The following NPRL3 variants were observed in gnomAD, a reference collection of about 807,000 sequenced individuals.
The protein encoded by NPRL3 is NPR3 like, GATOR1 complex subunit, also known as GATOR1 complex protein NPRL3.
Under a neutral mutation model 57.2 loss-of-function variants are expected in NPRL3, and 23 were observed. The observed-to-expected ratio is 0.40, with a 90% CI of 0.29 to 0.57. The LOEUF is 0.57. NPRL3 is among the 20% of genes least tolerant of loss of function. The pLI is 0.42. For missense variants in NPRL3, 691 were observed against 767.1 expected, an observed-to-expected ratio of 0.90 and a Z score of 1.17; for synonymous variants, 333 against 321.1, an observed-to-expected ratio of 1.04 and a Z score of -0.39.
chr16:98,574 T>A (rs1449763376), intron 8 of NPRL3, among the ~76,000 whole-genome samples: 1 of 152,208 alleles, frequency 6.6e-6, no homozygotes, highest in Non-Finnish European at 1.5e-5. Flanking sequence ...AGCTGGAGCC[T>A]CCTGGCCCTT....
intron 9 of NPRL3, among the ~76,000 whole-genome samples, chr16:94,343 GC>G (rs1898894400): frequency 6.6e-6 from 1 of 152,212 alleles, no homozygotes; most frequent in Non-Finnish European, 1.5e-5. Context: ...CTCTGCATCA[GC>G]CCAGGACACC....
intron 6 of NPRL3, among the ~76,000 whole-genome samples, chr16:112,164 A>G (rs961305064): frequency 2.0e-5 from 3 of 152,228 alleles, no homozygotes. Context: ...CAACAGGACC[A>G]GGGCTAGGCA....
chr16:107,419 C>CG (rs1289827093), intron 7 of NPRL3, among the ~76,000 whole-genome samples: 1 of 151,876 alleles, frequency 6.6e-6, no homozygotes, highest in Non-Finnish European at 1.5e-5. Context: ...CCGAGCCGGG[C>CG]GGATCTACAA....
intron 12 of NPRL3, chr16:89,476 C>G: frequency 2.0e-6 from 1 of 496,332 alleles, no homozygotes; most frequent in Non-Finnish European, 3.5e-6. Flanking sequence ...GGGCTGGGAG[C>G]TGCCCCTAAT....
intron 12 of NPRL3, 156 bp downstream of exon 12, chr16:89,557 G>A (rs999275364): frequency 1.9e-5 from 12 of 639,638 alleles, no homozygotes; most frequent in Non-Finnish European, 3.0e-5. Context: ...TAGGAGACAG[G>A]AGAGGTGTCT....
intron 1 of NPRL3, 112 bp from the exon 2 acceptor site, chr16:138,446 T>C (rs1166778710): frequency 2.4e-5 from 2 of 82,382 alleles, no homozygotes; most frequent in African/African-American, 6.8e-5. Flanking sequence ...AGGGCAGGGG[T>C]GGAGGCGGAG....
chr16:131,164 G>A (rs996128151), intron 2 of NPRL3, among the ~76,000 whole-genome samples: 27 of 152,244 alleles, frequency 1.8e-4, no homozygotes, highest in African/African-American at 6.5e-4. Context: ...GCGAAACCCC[G>A]TCTCTACTAA....
intron 2 of NPRL3, among the ~76,000 whole-genome samples, chr16:134,694 A>T (rs372375819): frequency 0.065 from 6,743 of 103,674 alleles, 270 homozygotes; most frequent in African/African-American, 0.12. Flanking sequence ...AATTATTATT[A>T]TTTTTTTTTT....
chr16:107,504 C>A (rs1211973392), intron 7 of NPRL3, among the ~76,000 whole-genome samples: 1 of 148,732 alleles, frequency 6.7e-6, no homozygotes, highest in African/African-American at 2.5e-5. Flanking sequence ...ATTAGCCAGG[C>A]ATGGTGATGT....
intron 3 of NPRL3, among the ~76,000 whole-genome samples, chr16:124,545 G>T (rs1900430946): frequency 6.6e-6 from 1 of 152,010 alleles, no homozygotes; most frequent in South Asian, 2.1e-4. Context: ...TGCATGACAA[G>T]AAATCGCCTA....
intron 7 of NPRL3, among the ~76,000 whole-genome samples, chr16:108,187 T>G (rs755452560): frequency 3.3e-5 from 5 of 151,964 alleles, no homozygotes; most frequent in Admixed American, 6.6e-5. Context: ...GACAAATCAC[T>G]CTCCCATGTT....
rs749698102 is a variant in NPRL3 at position 88,703 on chromosome 16, A to G, written c.1539T>C (p.Phe513=). Residue 513 remains phenylalanine (F), a synonymous_variant, in exon 13 of 14, where the codon TTT becomes TTC. Coordinates refer to ENST00000611875, the MANE Select transcript of NPRL3 (RefSeq NM_001077350.3). The part of the protein sequence containing the change: ...AAQNPEDLRM[F]ARLLHYFRGR... Reference sequence around the variant, plus strand: ...ACGGGTCAACCTACACCCACCTGGCAAACATGCGGAGGTCCTCAGGGTTCT... The same window carrying G: ...ACGGGTCAACCTACACCCACCTGGCGAACATGCGGAGGTCCTCAGGGTTCT... The G allele has an allele frequency of 3.7e-6, 6 of 1,607,722 alleles. No homozygotes were observed. The highest frequency in any genetic ancestry group is 4.3e-6 in the Non-Finnish European group (5 of 1,175,098).
chr16:138,397 C>T, intron 1 of NPRL3, 63 bp from the exon 2 acceptor site: 1 of 588,638 alleles, frequency 1.7e-6, no homozygotes, highest in Non-Finnish European at 2.7e-6. Flanking sequence ...ACGCAGGGGG[C>T]CTGAGGAGGG....
At chr16:134,294 T>C (rs1900949936) in intron 2 of NPRL3, among the ~76,000 whole-genome samples, 1 of 151,284 alleles carries the variant, frequency 6.6e-6, no homozygotes, top group South Asian at 2.1e-4. Context: ...ATAGGCAAAA[T>C]AAAAAAAATT....
chr16:95,348 TATAC>T lies in NPRL3; in HGVS notation c.925-2027_925-2024del, dbSNP rs60355805. On this transcript the variant is annotated intron_variant, in intron 9 of 13. Transcript: ENST00000611875. ...GTGTATATATATATATATATATATA[TATAC>T]ACACACACACACACACACACACACA... Among the ~76,000 whole-genome samples the T allele has an allele frequency of 8.6e-3, 387 of 45,006 alleles. 1 individual carries two copies. The highest frequency in any genetic ancestry group is 0.08 in the East Asian group (150 of 1,864). The allele number at this position is 45,006 out of a possible 152,430, so 29.5% of individuals were successfully genotyped here.
intron 11 of NPRL3, among the ~76,000 whole-genome samples, chr16:91,614 G>C (rs952791958): frequency 1.3e-5 from 2 of 152,314 alleles, no homozygotes; most frequent in East Asian, 3.9e-4. Context: ...GTACAACCTG[G>C]CTCAGCTCCC....
In NPRL3 at chr16:85,423, G is replaced by A; in HGVS notation, c.*1282C>T. On this transcript the variant is annotated 3_prime_UTR_variant, in exon 14 of 14. Transcript: ENST00000611875. ...CAGGGGACGGGGCTTGCGTCTTGCTGCGAGCACTGGAGCCCCTGGAAGGTC... is the reference window on the plus strand; with the variant it reads ...CAGGGGACGGGGCTTGCGTCTTGCTACGAGCACTGGAGCCCCTGGAAGGTC... The A allele has an allele frequency of 1.9e-6, 3 of 1,609,728 alleles. No homozygotes were observed. The highest frequency in any genetic ancestry group is 2.7e-5 in the African/African-American group (2 of 74,986).
At chr16:88,306 G>T (rs925130665) in intron 13 of NPRL3, among the ~76,000 whole-genome samples, 1 of 151,380 alleles carries the variant, frequency 6.6e-6, no homozygotes, top group African/African-American at 2.4e-5. Context: ...GCGTGAACCC[G>T]GGAAGCGGAG....
At chr16:103,656 G>A (rs115592089) in intron 7 of NPRL3, among the ~76,000 whole-genome samples, 3,852 of 152,220 alleles carry the variant, frequency 0.025, 162 homozygotes, top group African/African-American at 0.087. Flanking sequence ...TGCTCTGCAC[G>A]CTGGGGGCTT....
Sources: allele counts gnomAD v4.1 joint callset (sites outside exome capture counted in the v4.1 genomes callset), GRCh38; gene constraint gnomAD v4.1.1; transcripts MANE v1.5; gene names NCBI Gene and HGNC (gene_info 2026-07-23, HGNC 2026-07-21).